The following TSPAN6 variants were observed in gnomAD, a reference collection of about 807,000 sequenced individuals.
TSPAN6 encodes the protein tetraspanin-6.
A neutral mutation model predicts 18.0 loss-of-function variants in TSPAN6; 13 were observed. The observed-to-expected ratio is 0.72, with a 90% CI of 0.47 to 1.15. TSPAN6 has a LOEUF of 1.15. Among genes scored for constraint, TSPAN6 ranks in the 50% most tolerant of loss-of-function variants. TSPAN6 has a pLI of 0.00. For synonymous variants in TSPAN6, 82 were observed against 67.0 expected (o/e 1.22, Z -1.09); for missense variants, 186 against 183.9 (o/e 1.01, Z -0.07).
intron 1 of TSPAN6, 132 bp from the exon 2 acceptor site, chrX:100,635,878 G>T: frequency 2.1e-6 from 1 of 486,743 alleles, no homozygotes; most frequent in Non-Finnish European, 3.1e-6. Context: ...GGGAAGAGTA[G>T]AAGGGGTTAG....
chrX:100,628,106 C>T lies in TSPAN6; in HGVS notation c.*1920G>A, dbSNP rs1313827257. 1.8e-5 allele frequency: 2 copies of T among 111,813 alleles called. No homozygotes were observed. The highest frequency in any genetic ancestry group is 3.8e-5 in the Non-Finnish European group (2 of 53,149). The allele number at this position is 111,813 out of a possible 1,213,427, so 9.2% of individuals were successfully genotyped here. On this transcript the variant is annotated 3_prime_UTR_variant, in exon 8 of 8. Transcript: ENST00000373020. Reference sequence around the variant, plus strand: ...GGATTACAGATGTGAGCCACCATGGCTGGCTGAGGGAAAACTTTTTTAAAA... The same window carrying T: ...GGATTACAGATGTGAGCCACCATGGTTGGCTGAGGGAAAACTTTTTTAAAA...
intron 5 of TSPAN6, 63 bp from the exon 6 acceptor site, chrX:100,632,631 T>A: frequency 1.4e-6 from 1 of 722,426 alleles, no homozygotes; most frequent in Non-Finnish European, 2.1e-6. Flanking sequence ...TTCTTTATGG[T>A]AATAAATACT....
At chrX:100,636,877 A>T (rs1485556937), upstream of TSPAN6, 7 of 387,804 alleles carry the variant, frequency 1.8e-5, no homozygotes, top group Non-Finnish European at 2.8e-5. Flanking sequence ...AAGTGGCAAC[A>T]ATTTCAGAGC....
In TSPAN6 at chrX:100,634,097, G is replaced by A. The variant is rs922009677; in HGVS notation, c.352-68C>T. ...AAGTTTTTGGTTTCAGGTCAAATAA[G>A]TTCTCGAATCTGACCAATGGTCATA... On this transcript the variant is annotated intron_variant, in intron 3 of 7. Coordinates refer to ENST00000373020, the MANE Select transcript of TSPAN6 (RefSeq NM_003270.4). 7.2e-6 allele frequency: 5 copies of A among 699,036 alleles called. No homozygotes were observed. The African/African-American group carries it at 8.5e-5, about 12-fold the overall frequency. 57.6% of individuals were successfully genotyped at this position (699,036 alleles called of 1,213,427 possible).
At position 100,629,941 on chromosome X, in the gene TSPAN6, C is replaced by G. The variant is rs2083048124; in HGVS notation, c.*85G>C. On this transcript the variant is annotated 3_prime_UTR_variant, in exon 8 of 8. Coordinates refer to ENST00000373020, the MANE Select transcript of TSPAN6 (RefSeq NM_003270.4). Reference sequence around the variant, plus strand: ...CTATCAGTAAGTAGTGTTGTCAGTTCTCCAGCCAAGCAACTTTCTAATTCA... The same window carrying G: ...CTATCAGTAAGTAGTGTTGTCAGTTGTCCAGCCAAGCAACTTTCTAATTCA... 2.7e-6 allele frequency: 2 copies of G among 749,585 alleles called. No individual in the cohort carries two copies. Among genetic ancestry groups the G allele is most frequent in the African/African-American group, 2.3e-5 (1 of 43,705 alleles). 61.8% of individuals were successfully genotyped at this position (749,585 alleles called of 1,213,427 possible). A position where few individuals can be genotyped will look rare whatever the true frequency, so the allele number is the denominator to read the frequency against.
At chrX:100,635,813 G>C in intron 1 of TSPAN6, 67 bp from the exon 2 acceptor site, 3 of 890,822 alleles carry the variant, frequency 3.4e-6, no homozygotes, top group Non-Finnish European at 3.0e-6. Context: ...AAATCACAAC[G>C]CATGAGGTAT....
At chrX:100,633,210 T>A (rs1010890162) in intron 5 of TSPAN6, among the ~76,000 whole-genome samples, 195 bp downstream of exon 5, 1 of 110,729 alleles carries the variant, frequency 9.0e-6, no homozygotes, top group African/African-American at 3.3e-5. Flanking sequence ...TTCCAGCTAC[T>A]CGAGAGGCTG....
chrX:100,634,648 C>G (rs962441590), intron 3 of TSPAN6, among the ~76,000 whole-genome samples: 6 of 110,356 alleles, frequency 5.4e-5, no homozygotes, highest in Non-Finnish European at 9.5e-5. Flanking sequence ...CCTACCACCA[C>G]GCCCGGCTAA....
At position 100,629,866 on chromosome X, in the gene TSPAN6, A is replaced by G. The variant is rs12151; in HGVS notation, c.*160T>C. 137 of 351,174 alleles carry G rather than the reference A, an allele frequency of 3.9e-4. 2 individuals are homozygous for G. The highest frequency in any genetic ancestry group is 3.6e-3 in the African/African-American group (127 of 35,593). 28.9% of individuals were successfully genotyped at this position (351,174 alleles called of 1,213,427 possible). ...TGAATCAGCCTATTGGTGTAGTTTT[A>G]GGTCTACATACATCTTGATTGAATC... On this transcript the variant is annotated 3_prime_UTR_variant, in exon 8 of 8. Transcript: ENST00000373020.
intron 5 of TSPAN6, 132 bp from the exon 6 acceptor site, chrX:100,632,700 C>T: frequency 2.2e-6 from 1 of 458,422 alleles, no homozygotes; most frequent in Non-Finnish European, 3.8e-6. Context: ...TGATCATATA[C>T]CTCTGCAGAA....
intron 6 of TSPAN6, among the ~76,000 whole-genome samples, chrX:100,631,384 G>A (rs1167609573): frequency 8.9e-6 from 1 of 112,218 alleles, no homozygotes; most frequent in African/African-American, 3.2e-5. Context: ...CAATTCAAAG[G>A]TGGCTAGTGG....
At chrX:100,632,439 C>G (rs1281619016) in intron 6 of TSPAN6, 46 bp downstream of exon 6, 3 of 989,448 alleles carry the variant, frequency 3.0e-6, no homozygotes, top group Non-Finnish European at 4.3e-6. Context: ...CTAGCTTACA[C>G]CTACAAGAGG....
chrX:100,628,436 T>C lies in TSPAN6; in HGVS notation c.*1590A>G, dbSNP rs748578638. ...GTTTTTGCCCAGGTTTTTTTCTAAC[T>C]GTAACTGACTCCCCCTTACCATCAA... On this transcript the variant is annotated 3_prime_UTR_variant, in exon 8 of 8. Coordinates refer to ENST00000373020, the MANE Select transcript of TSPAN6 (RefSeq NM_003270.4). 5.4e-5 allele frequency: 6 copies of C among 111,937 alleles called. No homozygotes were observed. The highest frequency in any genetic ancestry group is 1.1e-4 in the Non-Finnish European group (6 of 53,242). The allele number at this position is 111,937 out of a possible 1,213,427, so 9.2% of individuals were successfully genotyped here. A position where few individuals can be genotyped will look rare whatever the true frequency, so the allele number is the denominator to read the frequency against.
chrX:100,633,472 A>T lies in TSPAN6; in HGVS notation c.518T>A (p.Phe173Tyr). Residue 173 changes from phenylalanine to tyrosine, a missense_variant, in exon 5 of 8, where the codon TTT (phenylalanine) becomes TAT (tyrosine). By Grantham distance (22) the Phe-to-Tyr change is conservative (BLOSUM62 3). Transcript: ENST00000373020. ...TDTNYYSEKG[F>Y]PKSCCKLEDC... is the part of the protein sequence containing the mutation. ...TTCAAGTTTACAGCAACTCTTAGGA[A>T]ATCCTTTTTCTGAGTAATAATTAGT... 8.3e-7 allele frequency: 1 copy of T among 1,207,328 alleles called. No individual in the cohort carries two copies. The highest frequency in any genetic ancestry group is 1.1e-6 in the Non-Finnish European group (1 of 892,003).
chrX:100,630,980 T>C, intron 6 of TSPAN6, 114 bp from the exon 7 acceptor site: 2 of 565,743 alleles, frequency 3.5e-6, no homozygotes, highest in Non-Finnish European at 5.9e-6. Context: ...TGAGTTTTTC[T>C]AGAGTTATGT....
Position 100,634,115 on chromosome X carries a change from T to C in TSPAN6, c.352-86A>G, listed in dbSNP as rs1029310472. On this transcript the variant is annotated intron_variant, in intron 3 of 7. Transcript: ENST00000373020. ...CAAATAAGTTCTCGAATCTGACCAA[T>C]GGTCATATCTTTGACAGCAGCAACA... 7 of 565,129 alleles carry C rather than the reference T, an allele frequency of 1.2e-5. No individual in the cohort carries two copies. In the Admixed American group the frequency reaches 1.4e-4, roughly 11 times the overall value. 46.6% of individuals were successfully genotyped at this position (565,129 alleles called of 1,213,427 possible).
At chrX:100,632,387 C>T in intron 6 of TSPAN6, 98 bp downstream of exon 6, 2 of 633,378 alleles carry the variant, frequency 3.2e-6, no homozygotes, top group Non-Finnish European at 2.5e-6. Flanking sequence ...AGCCTGGCAA[C>T]CGAGCAAGAC....
intron 6 of TSPAN6, among the ~76,000 whole-genome samples, chrX:100,631,213 G>A (rs887693864): frequency 4.5e-5 from 5 of 111,834 alleles, no homozygotes; most frequent in Non-Finnish European, 9.4e-5. Context: ...CTCCATCAAC[G>A]AGGGCAGAGA....
intron 5 of TSPAN6, 56 bp downstream of exon 5, chrX:100,633,349 G>A: frequency 8.8e-7 from 1 of 1,132,694 alleles, no homozygotes. Flanking sequence ...GGTCAATTTT[G>A]CATTCAGTTA....
Sources: allele counts gnomAD v4.1 joint callset (sites outside exome capture counted in the v4.1 genomes callset), GRCh38; gene constraint gnomAD v4.1.1; transcripts MANE v1.5; gene names NCBI Gene and HGNC (gene_info 2026-07-23, HGNC 2026-07-21).